COG5: variants seen among roughly 807,000 people sequenced by gnomAD.
COG5 encodes the protein conserved oligomeric Golgi complex subunit 5.
In COG5, 86 loss-of-function variants were observed where a neutral mutation model predicts 110.4. That is an observed-to-expected ratio of 0.78 (90% CI 0.65 to 0.93). The LOEUF (loss-of-function observed/expected upper bound fraction) is 0.93. COG5 is among the 40% of genes least tolerant of loss of function. The pLI is 0.00. For missense variants in COG5, 1,077 were observed against 987.0 expected (o/e 1.09, Z -1.22); for synonymous variants, 360 against 334.6 (o/e 1.08, Z -0.83).
intron 19 of COG5, among the ~76,000 whole-genome samples, chr7:107,224,286 T>G (rs1169379017): frequency 6.6e-6 from 1 of 152,182 alleles, no homozygotes; most frequent in African/African-American, 2.4e-5. Context: ...GGTTTGGAAT[T>G]TCAATCAACA....
chr7:107,285,583 G>A (rs903047860), intron 12 of COG5, among the ~76,000 whole-genome samples: 1 of 152,150 alleles, frequency 6.6e-6, no homozygotes, highest in Non-Finnish European at 1.5e-5. Flanking sequence ...CAAGCTTAAA[G>A]GAAACTGTCT....
chr7:107,538,108 C>G (rs1801721677), intron 5 of COG5, among the ~76,000 whole-genome samples: 1 of 152,148 alleles, frequency 6.6e-6, no homozygotes, highest in Admixed American at 6.6e-5. Context: ...AAAGGGCTAC[C>G]TGGAAGCCAG....
At chr7:107,448,815 A>C (rs185194794) in intron 6 of COG5, among the ~76,000 whole-genome samples, 338 of 152,340 alleles carry the variant, frequency 2.2e-3, no homozygotes, top group Non-Finnish European at 3.6e-3. Flanking sequence ...CAATTTGAAA[A>C]AACTTGCAGA....
At chr7:107,530,623 A>C (rs1177349508) in intron 5 of COG5, among the ~76,000 whole-genome samples, 2 of 151,182 alleles carry the variant, frequency 1.3e-5, no homozygotes, top group African/African-American at 4.9e-5. Context: ...AAAAAAAAAA[A>C]AAACACAGTT....
At chr7:107,323,474 T>G (rs1002837063) in intron 11 of COG5, among the ~76,000 whole-genome samples, 2 of 152,066 alleles carry the variant, frequency 1.3e-5, no homozygotes, top group Admixed American at 1.3e-4. Context: ...GAGGCAGCAG[T>G]GAGCCGAGAT....
At chr7:107,519,606 A>C (rs1016526717) in intron 6 of COG5, among the ~76,000 whole-genome samples, 1 of 152,216 alleles carries the variant, frequency 6.6e-6, no homozygotes, top group Non-Finnish European at 1.5e-5. Flanking sequence ...AAGAAGTCAA[A>C]TCTCTGAATA....
chr7:107,510,004 T>C (rs1241414850), intron 6 of COG5, among the ~76,000 whole-genome samples: 1 of 151,992 alleles, frequency 6.6e-6, no homozygotes, highest in Non-Finnish European at 1.5e-5. Context: ...ACGAGCAAAA[T>C]AACCAGCTAA....
chr7:107,517,456 G>A (rs549645744), intron 6 of COG5, among the ~76,000 whole-genome samples: 13 of 152,240 alleles, frequency 8.5e-5, no homozygotes, highest in South Asian at 2.1e-4. Context: ...CCCCAGCCTA[G>A]CAAGACAGGC....
chr7:107,495,816 C>G (rs888460167), intron 6 of COG5, among the ~76,000 whole-genome samples: 16 of 151,886 alleles, frequency 1.1e-4, no homozygotes, highest in African/African-American at 3.9e-4. Context: ...ATAGAAGACA[C>G]AAAAGTATTT....
chr7:107,269,957 G>A (rs996507886), intron 14 of COG5, among the ~76,000 whole-genome samples: 1 of 152,172 alleles, frequency 6.6e-6, no homozygotes, highest in African/African-American at 2.4e-5. Flanking sequence ...AAGTCTGTCA[G>A]TATTCAAGAG....
intron 6 of COG5, among the ~76,000 whole-genome samples, chr7:107,462,978 A>C (rs1371039595): frequency 6.6e-6 from 1 of 152,236 alleles, no homozygotes; most frequent in African/African-American, 2.4e-5. Context: ...AAGGTTAATC[A>C]AGGGGCATAT....
chr7:107,526,431 A>G (rs529757509), intron 6 of COG5, among the ~76,000 whole-genome samples: 1 of 152,240 alleles, frequency 6.6e-6, no homozygotes, highest in Non-Finnish European at 1.5e-5. Flanking sequence ...CATGAACATT[A>G]AACTCTTGAC....
chr7:107,367,195 C>T (rs922386598), intron 8 of COG5, among the ~76,000 whole-genome samples: 3 of 151,904 alleles, frequency 2.0e-5, no homozygotes, highest in Non-Finnish European at 4.4e-5. Flanking sequence ...AAAATTTATA[C>T]CTGGCCAAAT....
At chr7:107,428,493 C>T (rs1174112776) in intron 6 of COG5, among the ~76,000 whole-genome samples, 1 of 152,050 alleles carries the variant, frequency 6.6e-6, no homozygotes, top group African/African-American at 2.4e-5. Context: ...ACAAGAATGA[C>T]CACAATCACC....
intron 6 of COG5, among the ~76,000 whole-genome samples, chr7:107,444,617 A>T (rs1008441090): frequency 1.3e-5 from 2 of 152,118 alleles, no homozygotes; most frequent in Non-Finnish European, 2.9e-5. Flanking sequence ...TTGAATACTG[A>T]TCATATTAAA....
chr7:107,247,857 T>C (rs1802168316), intron 17 of COG5, among the ~76,000 whole-genome samples: 1 of 152,172 alleles, frequency 6.6e-6, no homozygotes, highest in Non-Finnish European at 1.5e-5. Flanking sequence ...CAGATTAGAT[T>C]GTCACATAAC....
chr7:107,434,865 T>G (rs950854630), intron 6 of COG5, among the ~76,000 whole-genome samples: 10 of 151,204 alleles, frequency 6.6e-5, no homozygotes, highest in Non-Finnish European at 1.3e-4. Context: ...AGCTACTTGG[T>G]AGGCTGAGGG....
chr7:107,277,981 T>G (rs1237733656), intron 14 of COG5, among the ~76,000 whole-genome samples: 1 of 152,160 alleles, frequency 6.6e-6, no homozygotes, highest in Non-Finnish European at 1.5e-5. Context: ...AAAATCAGCT[T>G]GAAAAAACCT....
chr7:107,433,396 A>C (rs1428148733), intron 6 of COG5, among the ~76,000 whole-genome samples: 2 of 152,206 alleles, frequency 1.3e-5, no homozygotes, highest in Non-Finnish European at 2.9e-5. Flanking sequence ...CCAAAACAAA[A>C]GATGCAAGTT....
Sources: allele counts gnomAD v4.1 joint callset (sites outside exome capture counted in the v4.1 genomes callset), GRCh38; gene constraint gnomAD v4.1.1; transcripts MANE v1.5; gene names NCBI Gene and HGNC (gene_info 2026-07-23, HGNC 2026-07-21).